The following KLHL30 variants were observed in gnomAD, a reference collection of about 807,000 sequenced individuals.
KLHL30 encodes kelch like family member 30, also known as kelch-like protein 30.
Under a neutral mutation model 55.0 loss-of-function variants are expected in KLHL30, and 55 were observed. The observed-to-expected ratio is 1.00, with a 90% CI of 0.80 to 1.25. The LOEUF is 1.25. Ranked by LOEUF, KLHL30 falls within the 50% of genes most tolerant of loss-of-function variation. KLHL30 has a pLI of 0.00. For synonymous variants in KLHL30, 356 were observed against 372.6 expected, an observed-to-expected ratio of 0.96 and a Z score of 0.51; for missense variants, 786 against 811.6, an observed-to-expected ratio of 0.97 and a Z score of 0.38.
In KLHL30 at chr2:238,150,917, A is replaced by T; in HGVS notation, c.1589A>T (p.His530Leu). 6.3e-7 allele frequency: 1 copy of T among 1,597,222 alleles called. No homozygotes were observed. Among genetic ancestry groups the T allele is most frequent in the Non-Finnish European group, 8.5e-7 (1 of 1,173,216 alleles). Residue 530 changes from histidine to leucine, a missense_variant, in exon 8 of 8, where the codon CAC becomes CTC. Coordinates refer to ENST00000409223, the MANE Select transcript of KLHL30 (RefSeq NM_198582.4). ...TGGCAGGGCATGGAAGGTGACTACC[A>T]CGTGGAGATGGAGGCCTACGACACG... Reference protein sequence around the residue: ...GRWQGMEGDYHVEMEAYDTVR... With the variant: ...GRWQGMEGDYLVEMEAYDTVR...
Position 238,151,262 on chromosome 2 carries a change from G to T in KLHL30, c.*197G>T. 2.8e-6 allele frequency: 2 copies of T among 701,950 alleles called. No homozygotes were observed. Among genetic ancestry groups the T allele is most frequent in the Non-Finnish European group, 4.6e-6 (2 of 431,520 alleles). 43.5% of individuals were successfully genotyped at this position (701,950 alleles called of 1,614,324 possible). A position where few individuals can be genotyped will look rare whatever the true frequency, so the allele number is the denominator to read the frequency against. On this transcript the variant is annotated 3_prime_UTR_variant, in exon 8 of 8. Transcript: ENST00000409223. ...CTCTGTGGCCACCACACTAAACTCTGAGCTGAGCAGTGACAAGGGCCTGAG... is the reference window on the plus strand; with the variant it reads ...CTCTGTGGCCACCACACTAAACTCTTAGCTGAGCAGTGACAAGGGCCTGAG...
At chr2:238,146,048 G>A (rs942471146) in intron 5 of KLHL30, among the ~76,000 whole-genome samples, 10 of 152,106 alleles carry the variant, frequency 6.6e-5, no homozygotes, top group Non-Finnish European at 2.9e-5. Context: ...TGTCCTCCCT[G>A]GCCAGCTCCC....
chr2:238,149,514 G>A (rs1692714661), intron 7 of KLHL30, among the ~76,000 whole-genome samples: 1 of 152,212 alleles, frequency 6.6e-6, no homozygotes, highest in African/African-American at 2.4e-5. Context: ...TTGAGGACAG[G>A]GGTGACGGTG....
rs1323860351 is a variant in KLHL30, at chr2:238,140,886, GC to G, written c.134del (p.Pro45HisfsTer52). The G allele has an allele frequency of 6.2e-7, 1 of 1,611,196 alleles. No individual in the cohort carries two copies. Among genetic ancestry groups the G allele is most frequent in the Non-Finnish European group, 8.5e-7 (1 of 1,178,722 alleles). ...CACTGCTGGTGGGCGGCCGGGAGCT[GC>G]CATGCCACCGCGGCCTCCTGGCGCT... ...VTLLVGGREL[P>X]CHRGLLALSS... On this transcript the variant is annotated frameshift_variant, in exon 2 of 8. Coordinates refer to ENST00000409223, the MANE Select transcript of KLHL30 (RefSeq NM_198582.4). LOFTEE classifies it high-confidence loss of function.
At chr2:238,145,518 T>A (rs1692631066) in intron 4 of KLHL30, 159 bp from the exon 5 acceptor site, 1 of 276,024 alleles carries the variant, frequency 3.6e-6, no homozygotes. Context: ...ACCTGGGCAG[T>A]CACACAGCTC....
rs1464989251 is a variant in KLHL30 at position 238,151,356 on chromosome 2, G to A, written c.*291G>A. 6.1e-6 allele frequency: 3 copies of A among 492,468 alleles called. No homozygotes were observed. The highest frequency in any genetic ancestry group is 1.1e-5 in the Non-Finnish European group (3 of 275,904). 30.5% of individuals were successfully genotyped at this position (492,468 alleles called of 1,614,324 possible). A position where few individuals can be genotyped will look rare whatever the true frequency, so the allele number is the denominator to read the frequency against. On this transcript the variant is annotated 3_prime_UTR_variant, in exon 8 of 8. Transcript: ENST00000409223. ...TGGGGTTCCCGAGACCTCAGAGAGG[G>A]GAGCCGGGGGCCGGGCCAGCATTCC...
chr2:238,143,557 G>A (rs1450443562), intron 3 of KLHL30, among the ~76,000 whole-genome samples: 1 of 152,274 alleles, frequency 6.6e-6, no homozygotes, highest in East Asian at 1.9e-4. Context: ...GGGCCCCGCA[G>A]CGGCTCTGGA....
Position 238,142,933 on chromosome 2 carries a change from T to G in KLHL30, c.907+2T>G. The G allele has an allele frequency of 6.6e-7, 1 of 1,507,022 alleles. No individual in the cohort carries two copies. The highest frequency in any genetic ancestry group is 1.5e-5 in the African/African-American group (1 of 67,968). The allele number at this position is 1,507,022 out of a possible 1,614,324, so 93.4% of individuals were successfully genotyped here. On this transcript the variant is annotated splice_donor_variant, in intron 3 of 7. Transcript: ENST00000409223. LOFTEE classifies it high-confidence loss of function. Reference sequence around the variant, plus strand: ...TTGCCTTCTACAACAGCAAGGCCAGTGAGTACCCCTCCCGCGTCCAGACCC... The same window carrying G: ...TTGCCTTCTACAACAGCAAGGCCAGGGAGTACCCCTCCCGCGTCCAGACCC...
chr2:238,146,470 G>A (rs1023270688), intron 5 of KLHL30, among the ~76,000 whole-genome samples: 10 of 151,290 alleles, frequency 6.6e-5, no homozygotes, highest in Non-Finnish European at 1.3e-4. Context: ...GCAGTGGAGT[G>A]ATCTCAGCTC....
At chr2:238,148,911 G>A in intron 6 of KLHL30, 96 bp from the exon 7 acceptor site, 2 of 1,260,412 alleles carry the variant, frequency 1.6e-6, no homozygotes, top group Non-Finnish European at 2.2e-6. Context: ...GAGGTTCAGA[G>A]AGGCACTGAG....
At chr2:238,145,361 CAGAA>C (rs1398790095) in intron 4 of KLHL30, among the ~76,000 whole-genome samples, 3 of 152,136 alleles carry the variant, frequency 2.0e-5, no homozygotes, top group African/African-American at 7.2e-5. Flanking sequence ...TCTTGGTCCC[CAGAA>C]AGAGTCGTGT....
In KLHL30 at chr2:238,141,405, G is replaced by T; in HGVS notation, c.651G>T (p.Glu217Asp). 6 of 1,582,100 alleles carry T rather than the reference G, an allele frequency of 3.8e-6. No homozygotes were observed. Among genetic ancestry groups the T allele is most frequent in the Non-Finnish European group, 4.3e-6 (5 of 1,170,056 alleles). The change falls in exon 2 of 8, where the codon GAG becomes GAT. Residue 217 changes from glutamate to aspartate, a missense_variant. Physicochemically the swap from Glu to Asp is conservative, Grantham distance 45 (BLOSUM62 2). Coordinates refer to ENST00000409223, the MANE Select transcript of KLHL30 (RefSeq NM_198582.4). ...DPQARAAHLP[E>D]LLSLVHLDAV... ...AGGCCCGGGCCGCCCACCTGCCCGA[G>T]CTGCTCAGCCTAGTGCACCTGGACG...
At chr2:238,139,778 G>A (rs373887042) in intron 1 of KLHL30, among the ~76,000 whole-genome samples, 3 of 152,232 alleles carry the variant, frequency 2.0e-5, no homozygotes, top group Non-Finnish European at 4.4e-5. Context: ...CGGCCTCTCC[G>A]CTGCGCAGCC....
At chr2:238,148,416 C>T (rs2106314083) in intron 6 of KLHL30, among the ~76,000 whole-genome samples, 1 of 152,292 alleles carries the variant, frequency 6.6e-6, no homozygotes, top group African/African-American at 2.4e-5. Flanking sequence ...CCTCCGAGGC[C>T]TCGAGGCCCA....
rs1340349530 is a variant in KLHL30 at position 238,145,693 on chromosome 2, A to G, written c.1011A>G (p.Thr337=). 8 of 1,581,880 alleles carry G rather than the reference A, an allele frequency of 5.1e-6. No homozygotes were observed. In the African/African-American group the frequency reaches 1.1e-4, roughly 21 times the overall value. ...TCCCGGCAGGTGGCTCTCGGGGCAC[A>G]AAGACAGACACCTGGTCAACCACCC... ...NIYVTGGSRG[T]KTDTWSTTQA... The change falls in exon 5 of 8, where the codon ACA becomes ACG. Residue 337 remains threonine, a synonymous_variant. Transcript: ENST00000409223.
chr2:238,145,164 G>A (rs944072887), intron 4 of KLHL30, among the ~76,000 whole-genome samples, 176 bp downstream of exon 4: 12 of 152,208 alleles, frequency 7.9e-5, no homozygotes, highest in South Asian at 2.1e-4. Flanking sequence ...GCTGGGAGCC[G>A]CTTCTGTACA....
At chr2:238,139,732 C>T (rs559975164) in intron 1 of KLHL30, among the ~76,000 whole-genome samples, 7 of 152,344 alleles carry the variant, frequency 4.6e-5, no homozygotes, top group Non-Finnish European at 1.0e-4. Context: ...CTCTCCTGCC[C>T]GGGATGGCCC....
chr2:238,149,345 G>A lies in KLHL30; in HGVS notation c.1485+193G>A, dbSNP rs979259263. ...CTGGGGTGCCCACAGAGGGCCCACA[G>A]TGAAGAGGGTGGCGCAGGCTGGGGT... On this transcript the variant is annotated intron_variant, in intron 7 of 7. Transcript: ENST00000409223. Among the ~76,000 whole-genome samples the A allele has an allele frequency of 4.9e-5, 7 of 143,936 alleles. 1 individual carries two copies. In the East Asian group the frequency reaches 9.2e-4, roughly 19 times the overall value. 94.4% of individuals were successfully genotyped at this position (143,936 alleles called of 152,430 possible). A position where few individuals can be genotyped will look rare whatever the true frequency, so the allele number is the denominator to read the frequency against.
intron 6 of KLHL30, among the ~76,000 whole-genome samples, chr2:238,148,683 AGGGTGGGGT>A (rs1692691975): frequency 1.5e-4 from 1 of 6,864 alleles, no homozygotes; most frequent in Non-Finnish European, 3.0e-4. Context: ...GTCCCCAGTC[AGGGTGGGGT>A]GGGTGGGGCG....
Sources: gnomAD v4.1 joint callset for allele counts (sites outside exome capture counted in the v4.1 genomes callset) on GRCh38, gnomAD v4.1.1 for gene constraint, MANE v1.5 for transcripts, NCBI Gene and HGNC (gene_info 2026-07-23, HGNC 2026-07-21) for gene names.